GLIS3: variants seen among roughly 807,000 people sequenced by gnomAD.
The protein encoded by GLIS3 is GLIS family zinc finger 3.
A neutral mutation model predicts 78.6 loss-of-function variants in GLIS3; 53 were observed. The observed-to-expected ratio is 0.67, with a 90% CI of 0.54 to 0.85. The LOEUF is 0.85. GLIS3 is among the 40% of genes least tolerant of loss of function. The pLI is 0.00. For synonymous variants in GLIS3, 684 were observed against 509.9 expected (o/e 1.34, Z -4.60); for missense variants, 1,703 against 1,231.1 (o/e 1.38, Z -5.74).
intron 2 of GLIS3, among the ~76,000 whole-genome samples, chr9:4,225,863 A>C (rs1272557795): frequency 6.6e-6 from 1 of 152,170 alleles, no homozygotes; most frequent in African/African-American, 2.4e-5. Flanking sequence ...CTGAGTTTTA[A>C]TTTCTTCAGG....
chr9:4,125,712 G>A, intron 3 of GLIS3, 22 bp downstream of exon 3: 1 of 1,585,794 alleles, frequency 6.3e-7, no homozygotes, highest in Non-Finnish European at 8.6e-7. Flanking sequence ...AAAGAAAGGG[G>A]AAAAAAAAGT....
the GLIS3 span, among the ~76,000 whole-genome samples, chr9:4,479,951 C>T: frequency 1.3e-3 from 125 of 92,752 alleles, 1 homozygote; most frequent in South Asian, 0.03. Context: ...GATGGGTTTT[C>T]GCCATGTTAG....
chr9:4,231,343 G>A (rs1380830230), intron 2 of GLIS3, among the ~76,000 whole-genome samples: 1 of 152,162 alleles, frequency 6.6e-6, no homozygotes, highest in Non-Finnish European at 1.5e-5. Context: ...TTACCTAAGA[G>A]GAAGCATGGG....
the GLIS3 span, among the ~76,000 whole-genome samples, chr9:4,355,191 G>C: frequency 1.3e-5 from 2 of 152,084 alleles, no homozygotes; most frequent in Non-Finnish European, 2.9e-5. Context: ...CAAAGTAGTA[G>C]AGTTGGAAAG....
At chr9:4,342,081 G>C (rs963422049) in intron 2 of GLIS3, among the ~76,000 whole-genome samples, 4 of 152,176 alleles carry the variant, frequency 2.6e-5, no homozygotes, top group African/African-American at 2.4e-5. Flanking sequence ...TTCTTTTGCT[G>C]TGCAGAGGCT....
chr9:4,007,649 T>G (rs1321258967), intron 4 of GLIS3, among the ~76,000 whole-genome samples: 2 of 151,972 alleles, frequency 1.3e-5, no homozygotes, highest in African/African-American at 4.8e-5. Flanking sequence ...AAAAAGAAAC[T>G]GATGAAATAT....
At chr9:3,885,056 G>A (rs1302087663) in intron 7 of GLIS3, among the ~76,000 whole-genome samples, 2 of 152,174 alleles carry the variant, frequency 1.3e-5, no homozygotes, top group Non-Finnish European at 2.9e-5. Context: ...AAGCAATTCA[G>A]CATTGAAGAG....
At chr9:4,399,054 G>A in the GLIS3 span, among the ~76,000 whole-genome samples, 1 of 152,154 alleles carries the variant, frequency 6.6e-6, no homozygotes, top group Non-Finnish European at 1.5e-5. Context: ...GGGTGAGATA[G>A]ACCATAACAT....
In GLIS3 at chr9:4,327,699, C is replaced by G. The variant is rs529739823; in HGVS notation, n.265-17171G>C. Among the ~76,000 whole-genome samples the G allele has an allele frequency of 4.6e-5, 7 of 152,342 alleles. 1 individual carries two copies. The South Asian group carries it at 1.5e-3, about 32-fold the overall frequency. ...ACACAACTCCAGGGGGCGCCATCCA[C>G]TTTGCAGTTAATGGGGCTTGAGCCC... On this transcript the variant is annotated intron_variant and non_coding_transcript_variant, in intron 2 of 4. Transcript: ENST00000471664.
Position 3,829,377 on chromosome 9 carries a change from A to C in GLIS3, c.2589T>G (p.Pro863=). ...CAAAACTGGCCTGGCCCATGGATGTAGGGACTAGGCAGTCCTCAAACGAAG... is the reference window on the plus strand; with the variant it reads ...CAAAACTGGCCTGGCCCATGGATGTCGGGACTAGGCAGTCCTCAAACGAAG... The part of the protein sequence containing the change: ...VVPSFEDCLV[P]TSMGQASFDV... The change falls in exon 10 of 11, where the codon CCT becomes CCG. Residue 863 remains proline, a synonymous_variant. Transcript: ENST00000381971. The C allele has an allele frequency of 6.2e-7, 1 of 1,614,070 alleles. No individual in the cohort carries two copies. The highest frequency in any genetic ancestry group is 8.5e-7 in the Non-Finnish European group (1 of 1,179,928).
intron 4 of GLIS3, among the ~76,000 whole-genome samples, chr9:4,117,412 G>A (rs1831740337): frequency 6.6e-6 from 1 of 152,188 alleles, no homozygotes; most frequent in African/African-American, 2.4e-5. Context: ...CTTTGGAAAA[G>A]AACTAAAGCT....
At position 3,825,872 on chromosome 9, in the gene GLIS3, T is replaced by C. The variant is rs1250660669; in HGVS notation, c.*2400A>G. 1.3e-5 allele frequency: 2 copies of C among 152,356 alleles called. No homozygotes were observed. Among genetic ancestry groups the C allele is most frequent in the Non-Finnish European group, 2.9e-5 (2 of 68,154 alleles). 9.4% of individuals were successfully genotyped at this position (152,356 alleles called of 1,614,324 possible). A position where few individuals can be genotyped will look rare whatever the true frequency, so the allele number is the denominator to read the frequency against. On this transcript the variant is annotated 3_prime_UTR_variant, in exon 11 of 11. Transcript: ENST00000381971. The stretch of plus-strand genomic sequence containing the variant: ...TGCTCTCTCTGAGATAAAATGTCCC[T>C]CTGGGGCTCCACATTGATTTCCTGC...
At chr9:3,912,815 T>G (rs1824241241) in intron 6 of GLIS3, among the ~76,000 whole-genome samples, 1 of 152,230 alleles carries the variant, frequency 6.6e-6, no homozygotes, top group Non-Finnish European at 1.5e-5. Flanking sequence ...GAATTTCACT[T>G]TGCCATGAAA....
At chr9:4,485,832 C>T in the GLIS3 span, among the ~76,000 whole-genome samples, 2 of 151,976 alleles carry the variant, frequency 1.3e-5, no homozygotes, top group East Asian at 1.9e-4. Context: ...AGCAATTCTC[C>T]TGCCTCAGCC....
chr9:4,218,930 T>C (rs1184505299), intron 2 of GLIS3, among the ~76,000 whole-genome samples: 1 of 152,240 alleles, frequency 6.6e-6, no homozygotes, highest in Non-Finnish European at 1.5e-5. Context: ...AATTGTCCTT[T>C]CTCTTCCTTT....
At chr9:4,086,039 T>G (rs1828994746) in intron 4 of GLIS3, among the ~76,000 whole-genome samples, 1 of 152,246 alleles carries the variant, frequency 6.6e-6, no homozygotes, top group Non-Finnish European at 1.5e-5. Flanking sequence ...GTGCACGTGC[T>G]TTTAACCATT....
the GLIS3 span, among the ~76,000 whole-genome samples, chr9:4,397,368 T>A: frequency 8.0e-4 from 122 of 151,914 alleles, 1 homozygote; most frequent in African/African-American, 2.9e-3. Context: ...TTGTTTGGTT[T>A]TTAACCTATT....
chr9:4,348,947 G>A (rs1055786842), upstream of GLIS3, among the ~76,000 whole-genome samples: 7 of 151,986 alleles, frequency 4.6e-5, no homozygotes, highest in Admixed American at 2.0e-4. Context: ...TTTTCCATAG[G>A]AAACATATAT....
At chr9:4,241,645 T>C (rs1292306155) in intron 2 of GLIS3, among the ~76,000 whole-genome samples, 2 of 152,152 alleles carry the variant, frequency 1.3e-5, no homozygotes, top group Non-Finnish European at 2.9e-5. Flanking sequence ...AATTTAACAT[T>C]ATACTCACAG....
Sources: allele counts gnomAD v4.1 joint callset (sites outside exome capture counted in the v4.1 genomes callset), GRCh38; gene constraint gnomAD v4.1.1; transcripts MANE v1.5; gene names NCBI Gene and HGNC (gene_info 2026-07-23, HGNC 2026-07-21).